The following PCSK2 variants were observed in gnomAD, a reference collection of about 807,000 sequenced individuals.
PCSK2 encodes neuroendocrine convertase 2.
Under a neutral mutation model 69.7 loss-of-function variants are expected in PCSK2, and 14 were observed. The observed-to-expected ratio is 0.20, with a 90% CI of 0.13 to 0.31. The LOEUF is 0.31. PCSK2 is among the 10% of genes least tolerant of loss of function. PCSK2 has a pLI of 1.00. For synonymous variants in PCSK2, 307 were observed against 320.7 expected (o/e 0.96, Z 0.46); for missense variants, 544 against 842.5 (o/e 0.65, Z 4.39).
intron 10 of PCSK2, among the ~76,000 whole-genome samples, chr20:17,458,076 G>A (rs562063959): frequency 1.3e-5 from 2 of 152,308 alleles, no homozygotes; most frequent in South Asian, 4.1e-4. Context: ...GGCATGCTTT[G>A]TTTTGAAGCA....
intron 2 of PCSK2, among the ~76,000 whole-genome samples, chr20:17,340,812 C>T (rs1228073829): frequency 6.6e-5 from 10 of 152,150 alleles, no homozygotes; most frequent in Non-Finnish European, 1.2e-4. Flanking sequence ...TTCTGGCTTA[C>T]TTATTTTTAA....
chr20:17,313,410 A>G (rs2123115790), intron 2 of PCSK2, among the ~76,000 whole-genome samples: 1 of 152,104 alleles, frequency 6.6e-6, no homozygotes, highest in East Asian at 1.9e-4. Flanking sequence ...CCTGACCTCC[A>G]TCACCAGAAG....
intron 10 of PCSK2, chr20:17,464,002 A>G (rs1330297103): frequency 6.6e-6 from 1 of 152,196 alleles, no homozygotes; most frequent in African/African-American, 2.4e-5. Context: ...GTATTTCATG[A>G]AAAAATAGCT....
At chr20:17,399,229 G>C (rs1404261403) in intron 5 of PCSK2, among the ~76,000 whole-genome samples, 1 of 152,010 alleles carries the variant, frequency 6.6e-6, no homozygotes, top group Non-Finnish European at 1.5e-5. Flanking sequence ...TTAAATCTTG[G>C]CCCACTTTTA....
At chr20:17,383,080 C>G (rs1158543845) in intron 5 of PCSK2, among the ~76,000 whole-genome samples, 2 of 152,182 alleles carry the variant, frequency 1.3e-5, no homozygotes, top group Non-Finnish European at 2.9e-5. Flanking sequence ...TCTTGTTCAC[C>G]TCTTTATCCG....
At chr20:17,243,452 A>T (rs1024140098) in intron 1 of PCSK2, among the ~76,000 whole-genome samples, 1 of 149,618 alleles carries the variant, frequency 6.7e-6, no homozygotes, top group South Asian at 2.1e-4. Context: ...CTCCTGTCTC[A>T]GCCTCCCAAA....
At chr20:17,317,630 C>A (rs1442796320) in intron 2 of PCSK2, among the ~76,000 whole-genome samples, 2 of 152,224 alleles carry the variant, frequency 1.3e-5, no homozygotes, top group African/African-American at 2.4e-5. Context: ...CCTCCAGCAT[C>A]CTTTTTGGAC....
chr20:17,465,386 G>C lies in PCSK2; in HGVS notation c.1263G>C (p.Gln421His). 1 of 1,614,200 alleles carries C rather than the reference G, an allele frequency of 6.2e-7. No homozygotes were observed. Among genetic ancestry groups the C allele is most frequent in the Non-Finnish European group, 8.5e-7 (1 of 1,180,030 alleles). The change falls in exon 11 of 12, where the codon CAG becomes CAC. Residue 421 changes from glutamine to histidine, a missense_variant. Gln to His is a conservative substitution (Grantham distance 24). Coordinates refer to ENST00000262545, the MANE Select transcript of PCSK2 (RefSeq NM_002594.5). The part of the protein sequence containing the change: ...HLTVLTSKRN[Q>H]LHDEVHQWRR... The stretch of plus-strand genomic sequence containing the variant: ...CTGTGCTCACCTCCAAACGGAACCA[G>C]CTTCACGACGAGGTCCATCAGTGGC...
At chr20:17,235,568 T>C (rs1986308950) in intron 1 of PCSK2, among the ~76,000 whole-genome samples, 1 of 152,176 alleles carries the variant, frequency 6.6e-6, no homozygotes, top group Non-Finnish European at 1.5e-5. Flanking sequence ...TGCAAAGTGT[T>C]GTAAGTCATT....
intron 11 of PCSK2, among the ~76,000 whole-genome samples, chr20:17,474,324 G>A (rs976836328): frequency 1.3e-5 from 2 of 152,130 alleles, no homozygotes; most frequent in Admixed American, 6.5e-5. Context: ...AAGCCAGCAT[G>A]GCCTGTGACC....
At chr20:17,395,834 G>A (rs1211862067) in intron 5 of PCSK2, among the ~76,000 whole-genome samples, 1 of 152,162 alleles carries the variant, frequency 6.6e-6, no homozygotes, top group Non-Finnish European at 1.5e-5. Flanking sequence ...CAGCCCCTTC[G>A]ATGAGGTGAC....
chr20:17,404,189 A>G (rs2031704767), intron 5 of PCSK2, among the ~76,000 whole-genome samples: 1 of 152,198 alleles, frequency 6.6e-6, no homozygotes, highest in African/African-American at 2.4e-5. Flanking sequence ...AACCTGCACA[A>G]CTGTACACAA....
Position 17,275,361 on chromosome 20 carries a change from C to T in PCSK2, c.282+15017C>T, listed in dbSNP as rs146163317. On this transcript the variant is annotated intron_variant, in intron 2 of 11. Transcript: ENST00000262545. ...GGAGTTCCGAGTTCTAATCACAGCT[C>T]AGCCATTTATTGTCTATGTGGGCTC... is the stretch of plus-strand genomic sequence containing the variant. 6.6e-3 allele frequency among the ~76,000 whole-genome samples: 1,005 copies of T among 152,170 alleles called. 17 individuals carry two copies. Among genetic ancestry groups the T allele is most frequent in the Admixed American group, 0.034 (526 of 15,276 alleles).
At chr20:17,322,320 T>C (rs903464558) in intron 2 of PCSK2, among the ~76,000 whole-genome samples, 1 of 152,148 alleles carries the variant, frequency 6.6e-6, no homozygotes, top group Non-Finnish European at 1.5e-5. Context: ...GAAAGGAGTA[T>C]TGATGAGTAA....
chr20:17,245,908 G>A (rs371837018), intron 1 of PCSK2, among the ~76,000 whole-genome samples: 14 of 152,140 alleles, frequency 9.2e-5, no homozygotes, highest in East Asian at 3.9e-4. Flanking sequence ...TACCTGATTC[G>A]CTTAGTTAGA....
At chr20:17,348,038 GAAAGAAAGA>G (rs1382490172) in intron 2 of PCSK2, among the ~76,000 whole-genome samples, 1 of 49,340 alleles carries the variant, frequency 2.0e-5, no homozygotes, top group Non-Finnish European at 4.7e-5. Flanking sequence ...AAAGAAGAAA[GAAAGAAAGA>G]AAGGAAAGAA....
chr20:17,242,356 C>G (rs1335809263), intron 1 of PCSK2, among the ~76,000 whole-genome samples: 1 of 152,210 alleles, frequency 6.6e-6, no homozygotes, highest in East Asian at 1.9e-4. Flanking sequence ...GAAGAACATT[C>G]ATACATGAGT....
At chr20:17,411,722 C>T (rs1246846279) in intron 6 of PCSK2, among the ~76,000 whole-genome samples, 2 of 152,252 alleles carry the variant, frequency 1.3e-5, no homozygotes, top group Non-Finnish European at 2.9e-5. Context: ...TCAAGTGGGT[C>T]CCTTACCCCC....
At chr20:17,439,138 C>T (rs750471734) in intron 8 of PCSK2, among the ~76,000 whole-genome samples, 31 of 149,738 alleles carry the variant, frequency 2.1e-4, no homozygotes, top group Non-Finnish European at 3.9e-4. Flanking sequence ...TTTCTTCTAC[C>T]TTTTTTTTTT....
Sources: gnomAD v4.1 joint callset for allele counts (sites outside exome capture counted in the v4.1 genomes callset) on GRCh38, gnomAD v4.1.1 for gene constraint, MANE v1.5 for transcripts, NCBI Gene and HGNC (gene_info 2026-07-23, HGNC 2026-07-21) for gene names.